Variants in RPS6KC1 observed in about 807,000 individuals in gnomAD.
RPS6KC1 encodes the protein inactive ribosomal protein S6 kinase delta-1.
RPS6KC1 carries 54 observed loss-of-function variants against 103.8 expected under a neutral mutation model. The ratio of observed to expected loss-of-function variants is 0.52; its 90% confidence interval spans 0.42 to 0.65. The LOEUF is 0.65. RPS6KC1 is among the 30% of genes least tolerant of loss of function. The pLI, the probability that RPS6KC1 is intolerant of heterozygous loss-of-function variation, is 0.00. For missense variants in RPS6KC1, 1,151 were observed against 1,253.8 expected (o/e 0.92, Z 1.24); for synonymous variants, 439 against 438.7 (o/e 1.00, Z -0.01).
At chr1:213,745,807 G>A in the RPS6KC1 span, among the ~76,000 whole-genome samples, 14 of 152,132 alleles carry the variant, frequency 9.2e-5, no homozygotes, top group Non-Finnish European at 1.6e-4. Flanking sequence ...CTCCTGGGAA[G>A]GCTCAGTGCT....
At chr1:213,372,884 A>G in the RPS6KC1 span, among the ~76,000 whole-genome samples, 4 of 152,006 alleles carry the variant, frequency 2.6e-5, no homozygotes, top group Admixed American at 1.3e-4. Context: ...CATATTTAAT[A>G]TATATAAATA....
chr1:213,307,066 T>G, the RPS6KC1 span, among the ~76,000 whole-genome samples: 17 of 150,046 alleles, frequency 1.1e-4, 1 homozygote, highest in African/African-American at 3.4e-4. Flanking sequence ...GCAGGTTTTT[T>G]TTTTTTTTTT....
At chr1:213,190,529 C>T (rs1376969063) in intron 8 of RPS6KC1, among the ~76,000 whole-genome samples, 3 of 152,060 alleles carry the variant, frequency 2.0e-5, no homozygotes, top group Non-Finnish European at 4.4e-5. Flanking sequence ...GATGTTTGAG[C>T]TCCTTATATA....
the RPS6KC1 span, among the ~76,000 whole-genome samples, chr1:213,329,917 C>A: frequency 6.6e-6 from 1 of 152,078 alleles, no homozygotes; most frequent in African/African-American, 2.4e-5. Context: ...TCTGAGCCGG[C>A]AAGTGAAACC....
At chr1:213,768,213 A>C in the RPS6KC1 span, among the ~76,000 whole-genome samples, 4 of 152,174 alleles carry the variant, frequency 2.6e-5, no homozygotes, top group Admixed American at 6.5e-5. Context: ...CTCAGTGTCC[A>C]CCTGGCTTTA....
the RPS6KC1 span, among the ~76,000 whole-genome samples, chr1:213,596,241 G>T: frequency 6.6e-6 from 1 of 152,138 alleles, no homozygotes; most frequent in East Asian, 1.9e-4. Context: ...GTCCCTCTTT[G>T]GTCATGCTCT....
At chr1:213,620,106 T>G in the RPS6KC1 span, among the ~76,000 whole-genome samples, 3 of 152,252 alleles carry the variant, frequency 2.0e-5, no homozygotes, top group African/African-American at 7.2e-5. Context: ...TCTGTTAGGT[T>G]GTCATCTATA....
chr1:213,782,229 G>A, the RPS6KC1 span, among the ~76,000 whole-genome samples: 1 of 152,122 alleles, frequency 6.6e-6, no homozygotes, highest in African/African-American at 2.4e-5. Context: ...CAGAAAGGAT[G>A]GACTAGGCAC....
At chr1:213,508,089 T>G in the RPS6KC1 span, among the ~76,000 whole-genome samples, 1 of 152,250 alleles carries the variant, frequency 6.6e-6, no homozygotes, top group Admixed American at 6.5e-5. Context: ...AACACAATGC[T>G]TGAGTGACTA....
At chr1:213,810,689 A>G in the RPS6KC1 span, among the ~76,000 whole-genome samples, 3 of 152,244 alleles carry the variant, frequency 2.0e-5, no homozygotes, top group African/African-American at 4.8e-5. Context: ...TACTCCAACC[A>G]CCAACACCAG....
At chr1:213,668,296 G>A in the RPS6KC1 span, among the ~76,000 whole-genome samples, 2 of 150,972 alleles carry the variant, frequency 1.3e-5, no homozygotes, top group Non-Finnish European at 2.9e-5. Context: ...GAATGTTTTA[G>A]CAGGCATGGA....
intron 3 of RPS6KC1, among the ~76,000 whole-genome samples, chr1:213,093,208 C>CTTT (rs778283618): frequency 5.9e-5 from 8 of 136,226 alleles, no homozygotes; most frequent in Admixed American, 3.7e-4. Flanking sequence ...TAATAATCTA[C>CTTT]TTTTTTTTTT....
At chr1:213,855,312 G>A in the RPS6KC1 span, among the ~76,000 whole-genome samples, 4 of 152,098 alleles carry the variant, frequency 2.6e-5, no homozygotes, top group Admixed American at 2.0e-4. Flanking sequence ...TTATCAAGTC[G>A]TATCATCCGT....
chr1:213,267,714 CAG>C (rs1267842899), intron 14 of RPS6KC1, among the ~76,000 whole-genome samples: 11 of 151,392 alleles, frequency 7.3e-5, no homozygotes, highest in African/African-American at 1.2e-4. Context: ...AATAAGGAGA[CAG>C]AAAGTATATT....
chr1:213,251,494 C>T (rs1216471278), intron 12 of RPS6KC1, among the ~76,000 whole-genome samples: 1 of 152,184 alleles, frequency 6.6e-6, no homozygotes, highest in African/African-American at 2.4e-5. Flanking sequence ...GCATGGGGAG[C>T]ACTGGAAGGT....
At chr1:213,757,662 A>G in the RPS6KC1 span, among the ~76,000 whole-genome samples, 1 of 152,184 alleles carries the variant, frequency 6.6e-6, no homozygotes, top group Non-Finnish European at 1.5e-5. Flanking sequence ...AGGATAAATG[A>G]TGAAGGGGGC....
the RPS6KC1 span, among the ~76,000 whole-genome samples, chr1:213,441,611 A>G: frequency 2.0e-5 from 3 of 152,206 alleles, no homozygotes; most frequent in Non-Finnish European, 4.4e-5. Context: ...ATTTGATTCC[A>G]TAACTTGGTT....
chr1:213,753,238 G>A, the RPS6KC1 span, among the ~76,000 whole-genome samples: 2 of 152,166 alleles, frequency 1.3e-5, no homozygotes, highest in East Asian at 3.8e-4. Flanking sequence ...TTAGTGTAAG[G>A]TCAAAGTTAT....
the RPS6KC1 span, among the ~76,000 whole-genome samples, chr1:213,714,475 G>A: frequency 2.6e-5 from 4 of 152,202 alleles, no homozygotes; most frequent in Admixed American, 1.3e-4. Flanking sequence ...AGGAGTGAAG[G>A]ATTCAATTGA....
Sources: allele counts gnomAD v4.1 joint callset (sites outside exome capture counted in the v4.1 genomes callset), GRCh38; gene constraint gnomAD v4.1.1; transcripts MANE v1.5; gene names NCBI Gene and HGNC (gene_info 2026-07-23, HGNC 2026-07-21).